TRPM1: variants seen among roughly 807,000 people sequenced by gnomAD.
TRPM1 encodes the protein TRPM1-203 APA Isoform, Intron 10.
Under a neutral mutation model 149.4 loss-of-function variants are expected in TRPM1, and 113 were observed. That is an observed-to-expected ratio of 0.76 (90% CI 0.65 to 0.88). TRPM1 has a LOEUF of 0.88. TRPM1 is among the 40% of genes least tolerant of loss of function. TRPM1 has a pLI of 0.00. For missense variants in TRPM1, 1,976 were observed against 2,038.7 expected (o/e 0.97, Z 0.59); for synonymous variants, 741 against 759.5 (o/e 0.98, Z 0.40).
intron 1 of TRPM1, among the ~76,000 whole-genome samples, chr15:31,139,081 G>A (rs1257211750): frequency 6.6e-6 from 1 of 152,110 alleles, no homozygotes; most frequent in Non-Finnish European, 1.5e-5. Context: ...GTGTTCACCT[G>A]GAACATTCCA....
chr15:31,057,450 C>G (rs1164152652), intron 11 of TRPM1, among the ~76,000 whole-genome samples: 1 of 152,076 alleles, frequency 6.6e-6, no homozygotes, highest in Non-Finnish European at 1.5e-5. Flanking sequence ...GGCTTAATAA[C>G]TGGGTGGTGA....
At chr15:31,130,056 C>T (rs2035997702) in intron 1 of TRPM1, among the ~76,000 whole-genome samples, 1 of 152,224 alleles carries the variant, frequency 6.6e-6, no homozygotes, top group Admixed American at 6.5e-5. Context: ...GTGTTCCATA[C>T]AGATCGGGAA....
At chr15:31,085,568 A>G (rs1188520991) in intron 1 of TRPM1, among the ~76,000 whole-genome samples, 3 of 152,216 alleles carry the variant, frequency 2.0e-5, no homozygotes, top group Non-Finnish European at 4.4e-5. Context: ...TACATGATTT[A>G]TAGTCCAATC....
chr15:31,106,404 G>A (rs1230671626), upstream of TRPM1, among the ~76,000 whole-genome samples: 1 of 152,040 alleles, frequency 6.6e-6, no homozygotes, highest in African/African-American at 2.4e-5. Context: ...CCAAGGTGCT[G>A]GGATTACAGG....
Position 31,033,144 on chromosome 15 carries a change from G to A in TRPM1, c.2701-204C>T, listed in dbSNP as rs1327092304. Reference sequence around the variant, plus strand: ...GAATCCTCCCTATTCTTAGATTCAGGGTTTTACAAACTCAGGAAATGCCTT... The same window carrying A: ...GAATCCTCCCTATTCTTAGATTCAGAGTTTTACAAACTCAGGAAATGCCTT... On this transcript the variant is annotated intron_variant, in intron 21 of 27. Transcript: ENST00000256552. 1.3e-5 allele frequency: 9 copies of A among 676,072 alleles called. No homozygotes were observed. The Admixed American group carries it at 2.4e-4, about 18-fold the overall frequency. The allele number at this position is 676,072 out of a possible 1,614,324, so 41.9% of individuals were successfully genotyped here. A position where few individuals can be genotyped will look rare whatever the true frequency, so the allele number is the denominator to read the frequency against.
At chr15:31,108,713 C>T (rs149109237) in intron 1 of TRPM1, among the ~76,000 whole-genome samples, 3,356 of 152,280 alleles carry the variant, frequency 0.022, 122 homozygotes, top group African/African-American at 0.076. Flanking sequence ...TGGCTGGTCT[C>T]GAACTCCCGA....
intron 1 of TRPM1, among the ~76,000 whole-genome samples, chr15:31,143,509 C>T (rs1030208242): frequency 4.6e-5 from 7 of 152,068 alleles, no homozygotes; most frequent in Admixed American, 2.6e-4. Flanking sequence ...GTAACCTCTG[C>T]CTCCAAGCGA....
rs536109158 is a variant in TRPM1 at position 31,130,452 on chromosome 15, G to A, written c.54+30454C>T. Among the ~76,000 whole-genome samples, 56 of 152,226 alleles carry A rather than the reference G, an allele frequency of 3.7e-4. 1 individual carries two copies. Among genetic ancestry groups the A allele is most frequent in the Admixed American group, 2.0e-3 (31 of 15,298 alleles). On this transcript the variant is annotated intron_variant, in intron 1 of 26. Transcript: ENST00000542188. ...AACAAAGATGATAACAGCCCTTTTC[G>A]AAAACAAATCCTCTTCTTCCCTAGG... is the stretch of plus-strand genomic sequence containing the variant.
chr15:31,011,689 G>A (rs1444758267), intron 27 of TRPM1, among the ~76,000 whole-genome samples: 1 of 147,396 alleles, frequency 6.8e-6, no homozygotes. Context: ...TTTTGAGATG[G>A]AGTGTCACTC....
chr15:31,031,180 T>C lies in TRPM1; in HGVS notation c.2953-23A>G, dbSNP rs1162545935. 1.9e-6 allele frequency: 3 copies of C among 1,614,132 alleles called. No individual in the cohort carries two copies. In the East Asian group the frequency reaches 6.7e-5, roughly 36 times the overall value. On this transcript the variant is annotated intron_variant, in intron 22 of 27. Coordinates refer to ENST00000256552, the MANE Select transcript of TRPM1 (RefSeq NM_001252024.2). ...CATCTGAGTAAGGAGAACATTTGTC[T>C]CTCACTGTCTTGGCTTGTGGGCCAA... is the stretch of plus-strand genomic sequence containing the variant.
At chr15:31,035,825 C>A in intron 20 of TRPM1, 151 bp from the exon 21 acceptor site, 1 of 1,082,170 alleles carries the variant, frequency 9.2e-7, no homozygotes, top group Admixed American at 2.0e-5. Flanking sequence ...CTGCACCTCA[C>A]CAGTGCAGAC....
chr15:31,128,352 C>T (rs2035976910), intron 1 of TRPM1, among the ~76,000 whole-genome samples: 1 of 152,210 alleles, frequency 6.6e-6, no homozygotes, highest in Non-Finnish European at 1.5e-5. Context: ...TTCTAGCCTG[C>T]CCGTCTCTTT....
Position 31,113,134 on chromosome 15 carries a change from ACT to A in TRPM1, c.55-36152_55-36151del, listed in dbSNP as rs569368222. On this transcript the variant is annotated intron_variant, in intron 1 of 26. Transcript: ENST00000542188. ...CTTTAGGTAGCTAAGATCACCTCTCACTGTGTCTTCTGCCTGAATCACCCCCT... is the reference window on the plus strand; with the variant it reads ...CTTTAGGTAGCTAAGATCACCTCTCAGTGTCTTCTGCCTGAATCACCCCCT... Among the ~76,000 whole-genome samples the A allele has an allele frequency of 2.3e-4, 35 of 152,196 alleles. No homozygotes were observed. The East Asian group carries it at 6.4e-3, about 28-fold the overall frequency.
chr15:31,070,325 A>C, intron 3 of TRPM1, 99 bp from the exon 4 acceptor site: 1 of 1,137,138 alleles, frequency 8.8e-7, no homozygotes, highest in Non-Finnish European at 1.3e-6. Context: ...TTGGGCCCAA[A>C]CAGGAGCCTA....
intron 20 of TRPM1, 134 bp downstream of exon 20, chr15:31,037,577 G>T (rs1188350569): frequency 7.9e-7 from 1 of 1,271,236 alleles, no homozygotes; most frequent in Non-Finnish European, 1.1e-6. Context: ...ATTAGTCCCA[G>T]TTTTGTTCTC....
chr15:31,138,683 C>T (rs1297703386), intron 1 of TRPM1, among the ~76,000 whole-genome samples: 5 of 151,718 alleles, frequency 3.3e-5, no homozygotes, highest in Non-Finnish European at 5.9e-5. Flanking sequence ...CATAGTGGGA[C>T]CTCATCTCTA....
Position 31,065,333 on chromosome 15 carries a change from G to A in TRPM1, c.790+743C>T, listed in dbSNP as rs530920128. On this transcript the variant is annotated intron_variant, in intron 7 of 27. Coordinates refer to ENST00000256552, the MANE Select transcript of TRPM1 (RefSeq NM_001252024.2). ...ACATGATGATTCCCAATGACCATTC[G>A]CCAGGACTAGATGGTCTCCCACAAA... Among the ~76,000 whole-genome samples, 11 of 152,160 alleles carry A rather than the reference G, an allele frequency of 7.2e-5. No homozygotes were observed. In the South Asian group the frequency reaches 1.9e-3, roughly 26 times the overall value.
intron 1 of TRPM1, among the ~76,000 whole-genome samples, chr15:31,098,987 C>A (rs1050520258): frequency 7.9e-5 from 12 of 152,080 alleles, no homozygotes; most frequent in African/African-American, 2.7e-4. Context: ...TGCATTTTTC[C>A]CCACTTAGCA....
chr15:31,121,957 T>C (rs915844367), intron 1 of TRPM1, among the ~76,000 whole-genome samples: 1 of 152,144 alleles, frequency 6.6e-6, no homozygotes. Flanking sequence ...GTATGAAATG[T>C]ATAAAGAACA....
Sources: allele counts gnomAD v4.1 joint callset (sites outside exome capture counted in the v4.1 genomes callset), GRCh38; gene constraint gnomAD v4.1.1; transcripts MANE v1.5; gene names NCBI Gene and HGNC (gene_info 2026-07-23, HGNC 2026-07-21).